The following PLXNA2 variants were observed in gnomAD, a reference collection of about 807,000 sequenced individuals.
The protein encoded by PLXNA2 is plexin A2, also known as plexin-A2.
PLXNA2 carries 91 observed loss-of-function variants against 193.5 expected under a neutral mutation model. The observed-to-expected ratio is 0.47, with a 90% CI of 0.40 to 0.56. PLXNA2 has a LOEUF of 0.56. PLXNA2 is among the 20% of genes least tolerant of loss of function. The pLI is 0.00. For synonymous variants in PLXNA2, 997 were observed against 1,027.3 expected (o/e 0.97, Z 0.56); for missense variants, 1,995 against 2,503.2 (o/e 0.80, Z 4.33).
chr1:208,077,515 T>C (rs975578830), intron 12 of PLXNA2, among the ~76,000 whole-genome samples: 1 of 152,094 alleles, frequency 6.6e-6, no homozygotes, highest in African/African-American at 2.4e-5. Context: ...GTGGTGCTGA[T>C]AGAAGCAAGT....
chr1:208,208,754 A>C (rs753694817), intron 3 of PLXNA2, among the ~76,000 whole-genome samples: 1 of 152,188 alleles, frequency 6.6e-6, no homozygotes, highest in Non-Finnish European at 1.5e-5. Flanking sequence ...TGACTTAGTA[A>C]GAGAAGTCCC....
chr1:208,072,533 T>A (rs1383806121), intron 12 of PLXNA2, among the ~76,000 whole-genome samples: 1 of 151,676 alleles, frequency 6.6e-6, no homozygotes, highest in Non-Finnish European at 1.5e-5. Flanking sequence ...CCCATTAGGC[T>A]GAGATGCTTG....
chr1:208,194,832 TTG>T (rs1277322822), intron 3 of PLXNA2, among the ~76,000 whole-genome samples: 5 of 152,178 alleles, frequency 3.3e-5, no homozygotes, highest in Admixed American at 3.3e-4. Flanking sequence ...CATTCAGAAT[TTG>T]GTTTTCTTTT....
intron 9 of PLXNA2, among the ~76,000 whole-genome samples, chr1:208,088,282 C>A (rs1229181725): frequency 6.6e-6 from 1 of 152,224 alleles, no homozygotes; most frequent in Non-Finnish European, 1.5e-5. Flanking sequence ...ACATTGCCCA[C>A]CTGTTCAGCT....
intron 4 of PLXNA2, among the ~76,000 whole-genome samples, chr1:208,120,052 C>T (rs527306684): frequency 8.5e-5 from 13 of 152,354 alleles, no homozygotes; most frequent in Non-Finnish European, 1.6e-4. Flanking sequence ...ACTGGCCCAG[C>T]TCCTAGCTCT....
chr1:208,038,073 G>A lies in PLXNA2; in HGVS notation c.4764+298C>T, dbSNP rs1664730017. On this transcript the variant is annotated intron_variant, in intron 26 of 31. Coordinates refer to ENST00000367033, the MANE Select transcript of PLXNA2 (RefSeq NM_025179.4). This position sits in a 1 kb window ranked among gnomAD's most constrained non-coding sequence, Gnocchi z 4.1. ...TATGCATTTGATTTTTGTTGTTGTT[G>A]TTGTTTTGTTTTGTTTTTTTGCAAA... Among the ~76,000 whole-genome samples, 1 of 152,172 alleles carries A rather than the reference G, an allele frequency of 6.6e-6. No homozygotes were observed. Among genetic ancestry groups the A allele is most frequent in the South Asian group, 2.1e-4 (1 of 4,828 alleles).
intron 11 of PLXNA2, among the ~76,000 whole-genome samples, chr1:208,080,898 G>A (rs543989380): frequency 3.3e-5 from 5 of 152,322 alleles, no homozygotes; most frequent in African/African-American, 7.2e-5. Flanking sequence ...GAGCCAGCAG[G>A]TGAACCCCAC....
At chr1:208,163,276 C>T (rs1342484868) in intron 3 of PLXNA2, among the ~76,000 whole-genome samples, 7 of 152,088 alleles carry the variant, frequency 4.6e-5, no homozygotes, top group South Asian at 2.1e-4. Flanking sequence ...CTACAAGCTG[C>T]GGAGAGCCAT....
At chr1:208,058,560 C>T (rs1426713430) in intron 13 of PLXNA2, among the ~76,000 whole-genome samples, 1 of 152,118 alleles carries the variant, frequency 6.6e-6, no homozygotes, top group Non-Finnish European at 1.5e-5. Context: ...AACTCTGAAA[C>T]CTCGGGAGTG....
At chr1:208,110,170 T>C (rs1029808634) in intron 4 of PLXNA2, among the ~76,000 whole-genome samples, 4 of 152,200 alleles carry the variant, frequency 2.6e-5, no homozygotes, top group Non-Finnish European at 5.9e-5. Flanking sequence ...GAAGCCAAGG[T>C]AGACCCTCTG....
intron 3 of PLXNA2, among the ~76,000 whole-genome samples, chr1:208,191,688 G>A (rs1441030929): frequency 6.6e-6 from 1 of 152,232 alleles, no homozygotes; most frequent in East Asian, 1.9e-4. Context: ...TATTAAGGGA[G>A]AGAATCAAGA....
intron 4 of PLXNA2, among the ~76,000 whole-genome samples, chr1:208,111,172 C>T (rs1388186262): frequency 6.6e-6 from 1 of 152,152 alleles, no homozygotes; most frequent in Non-Finnish European, 1.5e-5. Context: ...TGCCTCAGCC[C>T]TCCTGAGTAG....
chr1:208,225,596 A>T (rs1267674683), intron 1 of PLXNA2, among the ~76,000 whole-genome samples: 3 of 152,210 alleles, frequency 2.0e-5, no homozygotes, highest in African/African-American at 7.2e-5. Flanking sequence ...TACAGGCGTG[A>T]GCCATGGCAC....
chr1:208,195,857 C>A (rs1344821271), intron 3 of PLXNA2, among the ~76,000 whole-genome samples: 1 of 151,990 alleles, frequency 6.6e-6, no homozygotes, highest in Non-Finnish European at 1.5e-5. Context: ...CTGTCTATGA[C>A]CATTCCTCTG....
intron 11 of PLXNA2, among the ~76,000 whole-genome samples, chr1:208,081,435 C>G (rs1014943012): frequency 8.5e-5 from 13 of 152,116 alleles, no homozygotes; most frequent in African/African-American, 2.9e-4. Context: ...TGAAGTGTGG[C>G]AAGGCTTGTG....
At chr1:208,068,833 T>A (rs1364735042) in intron 12 of PLXNA2, among the ~76,000 whole-genome samples, 1 of 152,242 alleles carries the variant, frequency 6.6e-6, no homozygotes, top group African/African-American at 2.4e-5. Context: ...CCTCCTCCCT[T>A]TCTGTATTTG....
At chr1:208,200,002 C>A (rs1670490104) in intron 3 of PLXNA2, among the ~76,000 whole-genome samples, 1 of 152,218 alleles carries the variant, frequency 6.6e-6, no homozygotes, top group African/African-American at 2.4e-5. Flanking sequence ...GGGGCCTTAA[C>A]CCCAATTCCC....
At chr1:208,101,048 G>T (rs1414133651) in intron 5 of PLXNA2, among the ~76,000 whole-genome samples, 2 of 152,198 alleles carry the variant, frequency 1.3e-5, no homozygotes, top group African/African-American at 4.8e-5. Flanking sequence ...TCAAAGAAAA[G>T]AATTATTGAG....
In PLXNA2 at chr1:208,039,972, C is replaced by T. The variant is rs202119254; in HGVS notation, c.4353+20G>A. The T allele has an allele frequency of 1.1e-4, 177 of 1,612,564 alleles. 2 individuals carry two copies. The East Asian group carries it at 2.3e-3, about 20-fold the overall frequency. ...CCATCCTGCCCTGGACGCTAGGCCC[C>T]GTCTCACTCCCTTTCTCACCTTTAG... On this transcript the variant is annotated intron_variant, in intron 23 of 31. Transcript: ENST00000367033.
Sources: allele counts gnomAD v4.1 joint callset (sites outside exome capture counted in the v4.1 genomes callset), GRCh38; gene constraint gnomAD v4.1.1; non-coding constraint Gnocchi (gnomAD v3.1); transcripts MANE v1.5; gene names NCBI Gene and HGNC (gene_info 2026-07-23, HGNC 2026-07-21).